TLL2: variants seen among roughly 807,000 people sequenced by gnomAD.
TLL2 encodes tolloid-like protein 2.
A neutral mutation model predicts 123.0 loss-of-function variants in TLL2; 106 were observed. The observed-to-expected ratio is 0.86, with a 90% CI of 0.74 to 1.01. The LOEUF (loss-of-function observed/expected upper bound fraction) is 1.01, where lower values mean the gene tolerates loss of function less well. TLL2 is among the 50% of genes least tolerant of loss of function. TLL2 has a pLI of 0.00. For missense variants in TLL2, 1,332 were observed against 1,336.7 expected (o/e 1.00, Z 0.06); for synonymous variants, 494 against 516.8 (o/e 0.96, Z 0.60).
At chr10:96,485,903 T>C (rs1324396683) in intron 1 of TLL2, among the ~76,000 whole-genome samples, 1 of 152,144 alleles carries the variant, frequency 6.6e-6, no homozygotes, top group East Asian at 1.9e-4. Context: ...AAGTGTCCGA[T>C]GTCAATTATG....
intron 16 of TLL2, among the ~76,000 whole-genome samples, chr10:96,383,950 C>G (rs1399697436): frequency 6.6e-6 from 1 of 152,080 alleles, no homozygotes; most frequent in East Asian, 1.9e-4. Flanking sequence ...TTTTCTTTAT[C>G]AATTACTCAG....
chr10:96,405,211 C>T (rs372007773), intron 10 of TLL2, 21 bp downstream of exon 10: 33 of 1,604,028 alleles, frequency 2.1e-5, no homozygotes, highest in Middle Eastern at 1.6e-4. Context: ...CCTCTCTTAA[C>T]GGTGTCTAAA....
At chr10:96,446,011 G>C (rs761461101) in intron 3 of TLL2, 80 bp downstream of exon 3, 2 of 1,388,194 alleles carry the variant, frequency 1.4e-6, no homozygotes, top group Non-Finnish European at 2.0e-6. Context: ...GCTTTAAAAT[G>C]GTAAGTCTTA....
intron 18 of TLL2, among the ~76,000 whole-genome samples, chr10:96,375,891 C>A (rs1846134133): frequency 6.6e-6 from 1 of 152,178 alleles, no homozygotes; most frequent in Non-Finnish European, 1.5e-5. Context: ...AAAAAATGTC[C>A]ATCTGCCTGA....
chr10:96,436,440 G>A (rs181461837), intron 3 of TLL2, among the ~76,000 whole-genome samples: 1 of 152,156 alleles, frequency 6.6e-6, no homozygotes, highest in East Asian at 1.9e-4. Context: ...AAAATTTTTG[G>A]CTTCTTAATG....
intron 17 of TLL2, among the ~76,000 whole-genome samples, chr10:96,378,392 T>C (rs780216850): frequency 1.6e-4 from 19 of 116,920 alleles, no homozygotes; most frequent in Non-Finnish European, 3.4e-4. Context: ...AAAAGCCACC[T>C]GGCCCTGAAG....
intron 2 of TLL2, among the ~76,000 whole-genome samples, chr10:96,472,252 G>A (rs74151351): frequency 0.02 from 3,025 of 152,210 alleles, 94 homozygotes; most frequent in South Asian, 0.071. Flanking sequence ...CCAGCCTGAC[G>A]TTCATTCACA....
chr10:96,382,271 C>T (rs1015206929), intron 16 of TLL2, among the ~76,000 whole-genome samples: 1 of 152,220 alleles, frequency 6.6e-6, no homozygotes, highest in African/African-American at 2.4e-5. Flanking sequence ...CCTCGTGATC[C>T]ACCCGCCTTG....
chr10:96,510,005 T>C (rs1431905055), intron 1 of TLL2, among the ~76,000 whole-genome samples: 1 of 152,186 alleles, frequency 6.6e-6, no homozygotes, highest in Non-Finnish European at 1.5e-5. Flanking sequence ...TTGTCTACCC[T>C]GCAAGGCAAG....
At chr10:96,479,833 C>T (rs1441427597) in intron 2 of TLL2, among the ~76,000 whole-genome samples, 1 of 152,196 alleles carries the variant, frequency 6.6e-6, no homozygotes, top group African/African-American at 2.4e-5. Context: ...AGGAGAGTCC[C>T]CCCATACTTT....
At chr10:96,503,563 C>G (rs1460349578) in intron 1 of TLL2, among the ~76,000 whole-genome samples, 3 of 152,176 alleles carry the variant, frequency 2.0e-5, no homozygotes, top group African/African-American at 7.2e-5. Context: ...ATCAGCCAAG[C>G]CTCCTTGGGA....
At chr10:96,465,831 C>T (rs749470499) in intron 2 of TLL2, among the ~76,000 whole-genome samples, 12 of 152,168 alleles carry the variant, frequency 7.9e-5, no homozygotes, top group Non-Finnish European at 1.5e-4. Flanking sequence ...CCTGTTGTTA[C>T]GCAACTCTGT....
intron 1 of TLL2, among the ~76,000 whole-genome samples, chr10:96,482,349 A>G (rs1847319790): frequency 6.6e-6 from 1 of 152,230 alleles, no homozygotes; most frequent in African/African-American, 2.4e-5. Context: ...AGAAATGAAA[A>G]CACATGTTCA....
intron 1 of TLL2, among the ~76,000 whole-genome samples, chr10:96,501,115 G>C (rs1847529810): frequency 6.6e-6 from 1 of 152,152 alleles, no homozygotes; most frequent in Non-Finnish European, 1.5e-5. Flanking sequence ...ATTACTTCTA[G>C]GCAATGGGAT....
intron 3 of TLL2, among the ~76,000 whole-genome samples, chr10:96,442,129 C>T (rs1846855535): frequency 6.6e-6 from 1 of 152,162 alleles, no homozygotes; most frequent in East Asian, 1.9e-4. Flanking sequence ...GAGGGAGAGC[C>T]TTCTGACCAA....
chr10:96,392,214 G>T (rs1223451507), intron 13 of TLL2, among the ~76,000 whole-genome samples: 1 of 152,192 alleles, frequency 6.6e-6, no homozygotes, highest in Non-Finnish European at 1.5e-5. Context: ...GGTTACTTGA[G>T]CAGGTCCAGG....
intron 1 of TLL2, among the ~76,000 whole-genome samples, chr10:96,487,298 T>C (rs1384616254): frequency 6.6e-6 from 1 of 152,126 alleles, no homozygotes; most frequent in Non-Finnish European, 1.5e-5. Flanking sequence ...TCCACTTTGC[T>C]CCTCCTGGTT....
intron 5 of TLL2, among the ~76,000 whole-genome samples, chr10:96,424,775 G>GT (rs768456723): frequency 8.8e-5 from 11 of 124,848 alleles, no homozygotes; most frequent in South Asian, 5.0e-4. Context: ...GTATTGTTTT[G>GT]TTTTTTTTGC....
intron 16 of TLL2, 123 bp from the exon 17 acceptor site, chr10:96,379,215 C>T (rs1846165091): frequency 7.9e-7 from 1 of 1,267,078 alleles, no homozygotes. Flanking sequence ...CCTTCCCCCT[C>T]TGATTGTTCC....
Sources: allele counts gnomAD v4.1 joint callset (sites outside exome capture counted in the v4.1 genomes callset), GRCh38; gene constraint gnomAD v4.1.1; transcripts MANE v1.5; gene names NCBI Gene and HGNC (gene_info 2026-07-23, HGNC 2026-07-21).